Variants in NARS2 observed in about 807,000 individuals in gnomAD.
NARS2 encodes asparaginyl-tRNA synthetase.
Under a neutral mutation model 62.9 loss-of-function variants are expected in NARS2, and 60 were observed. The ratio of observed to expected loss-of-function variants is 0.95; its 90% confidence interval spans 0.77 to 1.18. NARS2 has a LOEUF of 1.18. Ranked by LOEUF, NARS2 falls within the 50% of genes most tolerant of loss-of-function variation. The probability of loss-of-function intolerance (pLI) is 0.00; values close to 1 mark genes in which losing one functional copy is unlikely to be tolerated. For synonymous variants in NARS2, 196 were observed against 200.0 expected (o/e 0.98, Z 0.17); for missense variants, 619 against 576.4 (o/e 1.07, Z -0.76).
chr11:78,533,586 T>C (rs1365819999), intron 5 of NARS2, among the ~76,000 whole-genome samples: 6 of 152,310 alleles, frequency 3.9e-5, no homozygotes, highest in African/African-American at 1.4e-4. Context: ...TAAAAGACTT[T>C]ATGAGCACAA....
At chr11:78,503,930 C>G (rs1375118675) in intron 6 of NARS2, among the ~76,000 whole-genome samples, 1 of 152,182 alleles carries the variant, frequency 6.6e-6, no homozygotes, top group Non-Finnish European at 1.5e-5. Flanking sequence ...AATGAACACT[C>G]TTAATGATAG....
intron 7 of NARS2, among the ~76,000 whole-genome samples, chr11:78,489,479 T>C (rs1401036793): frequency 1.3e-5 from 2 of 152,192 alleles, no homozygotes; most frequent in Non-Finnish European, 2.9e-5. Flanking sequence ...AAAACTTCCA[T>C]ACATTGCTGG....
intron 7 of NARS2, among the ~76,000 whole-genome samples, chr11:78,491,631 G>T (rs1859822699): frequency 6.6e-6 from 1 of 152,160 alleles, no homozygotes; most frequent in Non-Finnish European, 1.5e-5. Flanking sequence ...GACCATTCCA[G>T]TTCCAAAGTT....
chr11:78,551,445 T>C (rs1392753749), intron 5 of NARS2, among the ~76,000 whole-genome samples: 1 of 152,252 alleles, frequency 6.6e-6, no homozygotes, highest in Non-Finnish European at 1.5e-5. Context: ...TCTTATGGGA[T>C]CACCATGGTA....
intron 6 of NARS2, among the ~76,000 whole-genome samples, chr11:78,501,730 T>G (rs909154790): frequency 2.6e-5 from 4 of 152,248 alleles, no homozygotes; most frequent in African/African-American, 9.6e-5. Flanking sequence ...AGATACTCCT[T>G]GTATACTGTT....
chr11:78,440,166 C>A (rs971391554), intron 13 of NARS2, among the ~76,000 whole-genome samples: 1 of 152,188 alleles, frequency 6.6e-6, no homozygotes, highest in Non-Finnish European at 1.5e-5. Context: ...CAGGTTCAAG[C>A]AATTCTCCTG....
intron 7 of NARS2, among the ~76,000 whole-genome samples, chr11:78,490,343 A>G (rs1200686260): frequency 6.6e-6 from 1 of 152,202 alleles, no homozygotes. Context: ...TTATTTTGGA[A>G]TATATCTGAG....
At chr11:78,542,573 A>C (rs904082926) in intron 5 of NARS2, among the ~76,000 whole-genome samples, 2 of 152,168 alleles carry the variant, frequency 1.3e-5, no homozygotes, top group African/African-American at 4.8e-5. Context: ...CTCCAGAGTT[A>C]AGTCTCCAAA....
intron 2 of NARS2, among the ~76,000 whole-genome samples, chr11:78,570,458 G>A (rs1271389968): frequency 6.6e-6 from 1 of 152,172 alleles, no homozygotes; most frequent in Non-Finnish European, 1.5e-5. Context: ...CAAGATCTTG[G>A]CTCACCACAG....
rs185568833 is a variant in NARS2 at position 78,530,902 on chromosome 11, C to T, written c.595-1966G>A. On this transcript the variant is annotated intron_variant, in intron 5 of 13. Transcript: ENST00000281038. ...CTTTCCAATGTCATGTTAGCGTTTA[C>T]GTAACAAACTGATACTACCTTACTA... Among the ~76,000 whole-genome samples, 63 of 152,214 alleles carry T rather than the reference C, an allele frequency of 4.1e-4. 1 individual carries two copies. In the East Asian group the frequency reaches 0.011, roughly 27 times the overall value.
chr11:78,545,511 G>A (rs116722119), intron 5 of NARS2, among the ~76,000 whole-genome samples: 2,004 of 148,776 alleles, frequency 0.013, 49 homozygotes, highest in African/African-American at 0.047. Context: ...CCATATGTCC[G>A]TCATGCTTTT....
intron 6 of NARS2, among the ~76,000 whole-genome samples, chr11:78,516,150 G>A (rs576839994): frequency 6.6e-6 from 1 of 152,248 alleles, no homozygotes; most frequent in South Asian, 2.1e-4. Context: ...TGGATAATGT[G>A]GCTAAATAGA....
At chr11:78,474,151 T>G (rs1996172) in intron 9 of NARS2, among the ~76,000 whole-genome samples, 5,261 of 152,204 alleles carry the variant, frequency 0.035, 274 homozygotes, top group African/African-American at 0.12. Context: ...GCAGAAAGAG[T>G]GTTTTCAAAT....
Position 78,461,826 on chromosome 11 carries a change from G to A in NARS2, c.1164+4050C>T, listed in dbSNP as rs565704622. On this transcript the variant is annotated intron_variant, in intron 11 of 13. Coordinates refer to ENST00000281038, the MANE Select transcript of NARS2 (RefSeq NM_024678.6). Reference sequence around the variant, plus strand: ...AAATTAGCCGGGTGTGGTGGCATGCGTCTGTAGTCCCAGCTACTCGGGAGG... The same window carrying A: ...AAATTAGCCGGGTGTGGTGGCATGCATCTGTAGTCCCAGCTACTCGGGAGG... Among the ~76,000 whole-genome samples, 787 of 150,662 alleles carry A rather than the reference G, an allele frequency of 5.2e-3. 5 individuals are homozygous for A. The highest frequency in any genetic ancestry group is 7.2e-3 in the Non-Finnish European group (485 of 67,802).
chr11:78,478,341 G>T (rs1360357072), intron 9 of NARS2, 97 bp downstream of exon 9: 10 of 431,836 alleles, frequency 2.3e-5, no homozygotes, highest in Non-Finnish European at 3.8e-5. Flanking sequence ...TATATATATA[G>T]GATCTATATA....
intron 5 of NARS2, among the ~76,000 whole-genome samples, chr11:78,547,459 A>G (rs1182983609): frequency 2.6e-5 from 4 of 152,234 alleles, no homozygotes; most frequent in African/African-American, 9.7e-5. Flanking sequence ...ATTGAAATAC[A>G]TATATTGATA....
chr11:78,458,802 T>C (rs1194861813), intron 11 of NARS2, among the ~76,000 whole-genome samples: 1 of 152,204 alleles, frequency 6.6e-6, no homozygotes, highest in Non-Finnish European at 1.5e-5. Context: ...TCATCTTGAA[T>C]TGTACTTCCA....
intron 6 of NARS2, among the ~76,000 whole-genome samples, chr11:78,525,143 AG>A (rs2135419750): frequency 1.3e-5 from 2 of 152,278 alleles, no homozygotes; most frequent in East Asian, 3.9e-4. Context: ...TTAGGAAGGA[AG>A]AATGGCTAGG....
intron 7 of NARS2, among the ~76,000 whole-genome samples, chr11:78,482,625 T>A (rs904990411): frequency 2.6e-5 from 4 of 151,926 alleles, no homozygotes; most frequent in African/African-American, 9.7e-5. Flanking sequence ...TCTACGCAAA[T>A]GAACGAGAAA....
Sources: gnomAD v4.1 joint callset for allele counts (sites outside exome capture counted in the v4.1 genomes callset) on GRCh38, gnomAD v4.1.1 for gene constraint, MANE v1.5 for transcripts, NCBI Gene and HGNC (gene_info 2026-07-23, HGNC 2026-07-21) for gene names.